PRKCH: variants seen among roughly 807,000 people sequenced by gnomAD.
PRKCH encodes protein kinase C eta type.
A neutral mutation model predicts 82.5 loss-of-function variants in PRKCH; 28 were observed. The ratio of observed to expected loss-of-function variants is 0.34; its 90% CI spans 0.25 to 0.47. The LOEUF (loss-of-function observed/expected upper bound fraction) is 0.47. PRKCH is among the 20% of genes least tolerant of loss of function. The probability of loss-of-function intolerance (pLI) is 1.00; values close to 1 mark genes in which losing one functional copy is unlikely to be tolerated. For synonymous variants in PRKCH, 322 were observed against 327.4 expected (o/e 0.98, Z 0.18); for missense variants, 705 against 881.8 (o/e 0.80, Z 2.54).
At chr14:61,318,532 C>T (rs139870205), upstream of PRKCH, among the ~76,000 whole-genome samples, 2 of 152,110 alleles carry the variant, frequency 1.3e-5, no homozygotes, top group African/African-American at 4.8e-5. Context: ...TCCCTAATAG[C>T]TCCCTAGTCC....
chr14:61,512,903 AACTCCTGG>A (rs1182208156), intron 10 of PRKCH, among the ~76,000 whole-genome samples: 1 of 151,074 alleles, frequency 6.6e-6, no homozygotes, highest in African/African-American at 2.5e-5. Flanking sequence ...CATATCCTCA[AACTCCTGG>A]ATTCACGTGA....
At chr14:61,545,585 T>C (rs2043245614) in intron 12 of PRKCH, among the ~76,000 whole-genome samples, 1 of 152,206 alleles carries the variant, frequency 6.6e-6, no homozygotes, top group African/African-American at 2.4e-5. Context: ...TTTGTTTTTT[T>C]TGTAAGTTGA....
At chr14:61,530,262 A>C in intron 11 of PRKCH, 145 bp from the exon 12 acceptor site, 1 of 897,762 alleles carries the variant, frequency 1.1e-6, no homozygotes, top group South Asian at 2.3e-5. Context: ...ACTCTGTAGA[A>C]ATGGAATGAA....
Position 61,280,481 on chromosome 14 carries a change from T to C in PRKCH, c.-19+92813T>C, listed in dbSNP as rs563285234. 6.3e-5 allele frequency: 101 copies of C among 1,613,176 alleles called. 1 individual carries two copies. The East Asian group carries it at 9.8e-4, about 16-fold the overall frequency. ...CGGCGCCAGTTGGGCGGGGGCGCCG[T>C]GCCCTGGAAGGCCAACGCCAGGCTG... On this transcript the variant is annotated intron_variant, in intron 1 of 3. Coordinates refer to the PRKCH transcript ENST00000555185. The surrounding 1 kb of genome is among the most constrained non-coding windows in gnomAD (Gnocchi z 5.0).
intron 1 of PRKCH, among the ~76,000 whole-genome samples, chr14:61,241,684 G>T (rs1015005838): frequency 6.6e-6 from 1 of 152,190 alleles, no homozygotes; most frequent in Non-Finnish European, 1.5e-5. Context: ...AACCTAGAGG[G>T]AGTCACTTTG....
At chr14:61,266,759 T>C (rs2045105460) in intron 1 of PRKCH, among the ~76,000 whole-genome samples, 1 of 152,232 alleles carries the variant, frequency 6.6e-6, no homozygotes, top group South Asian at 2.1e-4. Flanking sequence ...CTTATTTGTG[T>C]ATATTTTATG....
chr14:61,237,950 T>C (rs1011002808), intron 1 of PRKCH, among the ~76,000 whole-genome samples: 8 of 152,240 alleles, frequency 5.3e-5, no homozygotes, highest in African/African-American at 1.7e-4. Context: ...ACAACTGTAT[T>C]GGTTACAGCT....
chr14:61,445,995 T>C (rs1233353594), intron 4 of PRKCH, among the ~76,000 whole-genome samples: 1 of 152,156 alleles, frequency 6.6e-6, no homozygotes, highest in Non-Finnish European at 1.5e-5. Flanking sequence ...AACATGAGAG[T>C]ACTAAAAGGT....
intron 1 of PRKCH, among the ~76,000 whole-genome samples, chr14:61,224,214 T>C (rs1260805745): frequency 6.6e-6 from 1 of 152,194 alleles, no homozygotes; most frequent in Non-Finnish European, 1.5e-5. Flanking sequence ...TTTAATAAAA[T>C]TTTTTATTTT....
intron 1 of PRKCH, among the ~76,000 whole-genome samples, chr14:61,219,011 A>T (rs1276454580): frequency 6.6e-6 from 1 of 152,248 alleles, no homozygotes; most frequent in Non-Finnish European, 1.5e-5. Flanking sequence ...AATTAGGGGC[A>T]ATGGGAGGCT....
At chr14:61,223,921 T>C (rs897185897) in intron 1 of PRKCH, among the ~76,000 whole-genome samples, 2 of 152,226 alleles carry the variant, frequency 1.3e-5, no homozygotes, top group Non-Finnish European at 2.9e-5. Context: ...AGCTATATTT[T>C]TTAAAAATTA....
Position 61,445,686 on chromosome 14 carries a change from C to A in PRKCH, c.579-6C>A, listed in dbSNP as rs1884187189. ...TGACTGATGGTAGTTTTCTTCTCTT[C>A]AACAGGGGAGTGTTTGGGAAACAGG... On this transcript the variant is annotated splice_region_variant and splice_polypyrimidine_tract_variant and intron_variant, in intron 3 of 13. Coordinates refer to ENST00000332981, the MANE Select transcript of PRKCH (RefSeq NM_006255.5). 1 of 1,608,332 alleles carries A rather than the reference C, an allele frequency of 6.2e-7. No individual in the cohort carries two copies. Among genetic ancestry groups the A allele is most frequent in the Non-Finnish European group, 8.5e-7 (1 of 1,174,962 alleles).
chr14:61,222,367 T>C (rs1216124034), intron 1 of PRKCH, among the ~76,000 whole-genome samples: 1 of 152,220 alleles, frequency 6.6e-6, no homozygotes, highest in African/African-American at 2.4e-5. Flanking sequence ...GTTGTGTAGA[T>C]CAGAGAAGCA....
chr14:61,226,859 C>A (rs892848709), intron 1 of PRKCH, among the ~76,000 whole-genome samples: 1 of 152,072 alleles, frequency 6.6e-6, no homozygotes, highest in African/African-American at 2.4e-5. Context: ...TACCCACCAC[C>A]CCCTTCCACT....
intron 1 of PRKCH, among the ~76,000 whole-genome samples, chr14:61,359,353 G>C (rs978467792): frequency 6.6e-6 from 1 of 152,194 alleles, no homozygotes; most frequent in Admixed American, 6.5e-5. Flanking sequence ...TGTCAACTCT[G>C]AAGTGTCAGA....
chr14:61,214,742 T>C (rs2044605584), intron 1 of PRKCH, among the ~76,000 whole-genome samples: 1 of 152,186 alleles, frequency 6.6e-6, no homozygotes, highest in South Asian at 2.1e-4. Context: ...GTCATTGCAG[T>C]GAGAGCCCAA....
intron 1 of PRKCH, among the ~76,000 whole-genome samples, chr14:61,249,538 AG>A (rs1420225599): frequency 1.3e-5 from 2 of 150,364 alleles, no homozygotes; most frequent in East Asian, 1.9e-4. Context: ...AAAAAAAAAA[AG>A]GGAAGTGTTG....
chr14:61,389,984 G>A, intron 1 of PRKCH, among the ~76,000 whole-genome samples: 1 of 152,152 alleles, frequency 6.6e-6, no homozygotes, highest in Non-Finnish European at 1.5e-5. Context: ...AAGGTCAAAG[G>A]CAGAAATGGA....
chr14:61,188,011 A>T lies in PRKCH; in HGVS notation c.-19+343A>T, dbSNP rs536162421. On this transcript the variant is annotated intron_variant, in intron 1 of 3. Coordinates refer to the PRKCH transcript ENST00000555185. ...TCAAGATCTGAGTCTGACTCTTAGCATCCCACTAACTCGCTGTATGACCTT... is the reference window on the plus strand; with the variant it reads ...TCAAGATCTGAGTCTGACTCTTAGCTTCCCACTAACTCGCTGTATGACCTT... Among the ~76,000 whole-genome samples, 5 of 152,332 alleles carry T rather than the reference A, an allele frequency of 3.3e-5. No individual in the cohort carries two copies. The South Asian group carries it at 1.0e-3, about 32-fold the overall frequency.
Sources: allele counts gnomAD v4.1 joint callset (sites outside exome capture counted in the v4.1 genomes callset), GRCh38; gene constraint gnomAD v4.1.1; non-coding constraint Gnocchi (gnomAD v3.1); transcripts MANE v1.5; gene names NCBI Gene and HGNC (gene_info 2026-07-23, HGNC 2026-07-21).